COL4A1: variants seen among roughly 807,000 people sequenced by gnomAD.
COL4A1 encodes the protein collagen type IV alpha 1 chain.
COL4A1 carries 40 observed loss-of-function variants against 216.6 expected under a neutral mutation model. The ratio of observed to expected loss-of-function variants is 0.18; its 90% CI spans 0.14 to 0.24. COL4A1 has a LOEUF of 0.24. Among genes scored for constraint, COL4A1 ranks in the 10% least tolerant of loss-of-function variants. COL4A1 has a pLI of 1.00. For synonymous variants in COL4A1, 839 were observed against 810.7 expected (o/e 1.03, Z -0.59); for missense variants, 1,628 against 2,196.8 (o/e 0.74, Z 5.18).
At position 110,173,934 on chromosome 13, in the gene COL4A1, T is replaced by G; in HGVS notation, c.3471A>C (p.Gly1157=). 1 of 1,614,124 alleles carries G rather than the reference T, an allele frequency of 6.2e-7. No homozygotes were observed. Among genetic ancestry groups the G allele is most frequent in the Non-Finnish European group, 8.5e-7 (1 of 1,180,012 alleles). Reference sequence around the variant, plus strand: ...CCTTCTCTCCTGCTGACCCCGGGATTCCATCACTGCCTGGCTCCCCTTTCT... The same window carrying G: ...CCTTCTCTCCTGCTGACCCCGGGATGCCATCACTGCCTGGCTCCCCTTTCT... ...AGQKGEPGSD[G]IPGSAGEKGE... The change falls in exon 40 of 52, where the codon GGA becomes GGC. Residue 1157 remains glycine, a synonymous_variant. Transcript: ENST00000375820.
intron 42 of COL4A1, among the ~76,000 whole-genome samples, 156 bp from the exon 43 acceptor site, chr13:110,169,918 A>AAGGAAGGAAGGAGGGAGGG (rs1246224306): frequency 1.4e-3 from 198 of 142,558 alleles, no homozygotes; most frequent in Middle Eastern, 3.5e-3. Context: ...CAGGTCCAGG[A>AAGGAAGGAAGGAGGGAGGG]AGGAAGGAAG....
Position 110,183,026 on chromosome 13 carries a change from C to T in COL4A1, c.2062G>A (p.Gly688Ser). The part of the protein sequence containing the change: ...PGEKGAVGQP[G>S]IGFPGPPGPK... ...CCGGGGGGCCCTGGAAATCCAATGC[C>T]TGGCTGGCCCACAGCGCCCTTCTCT... The change falls in exon 28 of 52, where the codon GGC becomes AGC. Residue 688 changes from glycine to serine, a missense_variant. Coordinates refer to ENST00000375820, the MANE Select transcript of COL4A1 (RefSeq NM_001845.6). 6.2e-7 allele frequency: 1 copy of T among 1,613,300 alleles called. No individual in the cohort carries two copies. The highest frequency in any genetic ancestry group is 8.5e-7 in the Non-Finnish European group (1 of 1,179,880).
chr13:110,228,722 T>C (rs1880866208), intron 2 of COL4A1, among the ~76,000 whole-genome samples: 1 of 152,200 alleles, frequency 6.6e-6, no homozygotes, highest in Admixed American at 6.5e-5. Context: ...CCCAAAGAAA[T>C]GGCATCTGGT....
chr13:110,208,952 C>A, intron 11 of COL4A1, 62 bp from the exon 12 acceptor site: 1 of 1,496,024 alleles, frequency 6.7e-7, no homozygotes, highest in Non-Finnish European at 9.3e-7. Context: ...AGTCATTCTA[C>A]AAACCTCACA....
chr13:110,247,844 A>AGAGGGAGG (rs575291787), intron 1 of COL4A1, among the ~76,000 whole-genome samples: 1 of 100,300 alleles, frequency 1.0e-5, no homozygotes, highest in Non-Finnish European at 2.0e-5. Flanking sequence ...TGGCAGAGAG[A>AGAGGGAGG]GAGGGAGGGA....
In COL4A1 at chr13:110,205,517, C is replaced by T. The variant is rs755692482; in HGVS notation, c.880G>A (p.Asp294Asn). 2.5e-6 allele frequency: 4 copies of T among 1,608,738 alleles called. No homozygotes were observed. The highest frequency in any genetic ancestry group is 3.4e-6 in the Non-Finnish European group (4 of 1,179,878). Residue 294 changes from aspartate to asparagine, a missense_variant, in exon 16 of 52, where the codon GAC becomes AAC. Asp to Asn is a conservative substitution (Grantham distance 23, BLOSUM62 1). Coordinates refer to ENST00000375820, the MANE Select transcript of COL4A1 (RefSeq NM_001845.6). ...ACGGGACTCCCTTTTTCCCCTTTGTCACCATCTTTTCCGGGTTTGCCCTGT... is the reference window on the plus strand; with the variant it reads ...ACGGGACTCCCTTTTTCCCCTTTGTTACCATCTTTTCCGGGTTTGCCCTGT... ...GPRGKPGKDGDKGEKGSPGFP... is the reference protein window; with the variant it reads ...GPRGKPGKDGNKGEKGSPGFP...
intron 29 of COL4A1, among the ~76,000 whole-genome samples, chr13:110,180,642 A>T (rs1049741936): frequency 6.6e-6 from 1 of 152,280 alleles, no homozygotes; most frequent in African/African-American, 2.4e-5. Flanking sequence ...ACATTTGCTG[A>T]GCAGAATTTC....
rs1471802961 is a variant in COL4A1, at chr13:110,241,302, G to C, written c.144+1373C>G. On this transcript the variant is annotated intron_variant, in intron 2 of 51. Coordinates refer to ENST00000375820, the MANE Select transcript of COL4A1 (RefSeq NM_001845.6). ...AATGGAGGTGGACATCAACCCTGCT[G>C]TCCCTAGGAGGGAGCAGGGCCAACT... Among the ~76,000 whole-genome samples the C allele has an allele frequency of 2.0e-5, 3 of 152,202 alleles. No individual in the cohort carries two copies. In the East Asian group the frequency reaches 5.8e-4, roughly 29 times the overall value.
intron 2 of COL4A1, among the ~76,000 whole-genome samples, chr13:110,233,603 A>T (rs1335173472): frequency 6.6e-6 from 1 of 152,222 alleles, no homozygotes; most frequent in Non-Finnish European, 1.5e-5. Flanking sequence ...AGCTGTTGGC[A>T]ACAAAAACTC....
chr13:110,175,569 G>A (rs545705738), intron 36 of COL4A1, among the ~76,000 whole-genome samples: 24 of 152,336 alleles, frequency 1.6e-4, no homozygotes, highest in African/African-American at 5.3e-4. Context: ...TCAGAGCCAC[G>A]CTAGGAAATG....
At chr13:110,210,277 C>T in intron 8 of COL4A1, 65 bp from the exon 9 acceptor site, 2 of 1,496,190 alleles carry the variant, frequency 1.3e-6, no homozygotes, top group South Asian at 1.1e-5. Context: ...AAGCTGAAAA[C>T]TCTTTGATAG....
At position 110,178,265 on chromosome 13, in the gene COL4A1, A is replaced by G. The variant is rs138277123; in HGVS notation, c.2459-34T>C. On this transcript the variant is annotated intron_variant, in intron 31 of 51. Coordinates refer to ENST00000375820, the MANE Select transcript of COL4A1 (RefSeq NM_001845.6). ...GGGTGAAACACAAATAACTTTTAGCAGAATTTACAGAATGATCTACAATGT... is the reference window on the plus strand; with the variant it reads ...GGGTGAAACACAAATAACTTTTAGCGGAATTTACAGAATGATCTACAATGT... The G allele has an allele frequency of 0.011, 18,174 of 1,612,150 alleles. 131 individuals are homozygous for G. Among genetic ancestry groups the G allele is most frequent in the South Asian group, 0.014 (1,249 of 91,002 alleles).
intron 40 of COL4A1, among the ~76,000 whole-genome samples, chr13:110,173,001 C>A (rs1877715417): frequency 6.6e-6 from 1 of 152,162 alleles, no homozygotes; most frequent in Middle Eastern, 3.2e-3. Context: ...TCAGAACCAC[C>A]ACGGCATTTA....
Position 110,161,270 on chromosome 13 carries a change from T to C in COL4A1, c.4562A>G (p.Tyr1521Cys), listed in dbSNP as rs1269318578. ...CNFASRNDYS[Y>C]WLSTPEPMPM... Reference sequence around the variant, plus strand: ...CATGGGCTCAGGGGTGGACAGCCAGTACGAGTAGTCATTTCGTGATGCAAA... The same window carrying C: ...CATGGGCTCAGGGGTGGACAGCCAGCACGAGTAGTCATTTCGTGATGCAAA... Residue 1521 changes from tyrosine to cysteine, a missense_variant, in exon 49 of 52, where the codon TAC becomes TGC. Physicochemically the swap from Tyr to Cys is radical, Grantham distance 194. Coordinates refer to ENST00000375820, the MANE Select transcript of COL4A1 (RefSeq NM_001845.6). 3.1e-6 allele frequency: 5 copies of C among 1,614,212 alleles called. No homozygotes were observed. The East Asian group carries it at 1.1e-4, about 36-fold the overall frequency.
chr13:110,267,182 C>A (rs945993246), intron 1 of COL4A1, among the ~76,000 whole-genome samples: 1 of 152,038 alleles, frequency 6.6e-6, no homozygotes, highest in Non-Finnish European at 1.5e-5. Context: ...CCCAGTGGGC[C>A]CTGAGCCTCC....
At chr13:110,217,210 G>A (rs1365234774) in intron 2 of COL4A1, among the ~76,000 whole-genome samples, 1 of 152,222 alleles carries the variant, frequency 6.6e-6, no homozygotes, top group Non-Finnish European at 1.5e-5. Context: ...GTTAGCTGGC[G>A]ACCAGCATGC....
At chr13:110,269,166 C>T (rs894275441) in intron 1 of COL4A1, among the ~76,000 whole-genome samples, 1 of 152,140 alleles carries the variant, frequency 6.6e-6, no homozygotes, top group African/African-American at 2.4e-5. Context: ...AGGAAAGTTC[C>T]AGAAAATTAA....
chr13:110,205,007 C>G (rs537370547), intron 17 of COL4A1, among the ~76,000 whole-genome samples: 1 of 152,022 alleles, frequency 6.6e-6, no homozygotes, highest in South Asian at 2.1e-4. Context: ...CACATAGGAA[C>G]AAGGCGAACT....
At chr13:110,280,588 A>G (rs1036410933) in intron 1 of COL4A1, among the ~76,000 whole-genome samples, 4 of 152,276 alleles carry the variant, frequency 2.6e-5, no homozygotes, top group African/African-American at 9.6e-5. Flanking sequence ...GCCGCATGGC[A>G]TGGGCTTTAC....
Sources: allele counts gnomAD v4.1 joint callset (sites outside exome capture counted in the v4.1 genomes callset), GRCh38; gene constraint gnomAD v4.1.1; transcripts MANE v1.5; gene names NCBI Gene and HGNC (gene_info 2026-07-23, HGNC 2026-07-21).